Variants in MMAB observed in about 807,000 individuals in gnomAD.
The protein encoded by MMAB is corrinoid adenosyltransferase MMAB.
In MMAB, 17 loss-of-function variants were observed where a neutral mutation model predicts 30.6. That is an observed-to-expected ratio of 0.56 (90% confidence interval 0.38 to 0.83). MMAB has a LOEUF of 0.83. MMAB is among the 40% of genes least tolerant of loss of function. The pLI, the probability that MMAB is intolerant of heterozygous loss-of-function variation, is 0.00. For synonymous variants in MMAB, 134 were observed against 138.6 expected, an observed-to-expected ratio of 0.97 and a Z score of 0.23; for missense variants, 311 against 331.6, an observed-to-expected ratio of 0.94 and a Z score of 0.48.
chr12:109,563,161 C>A (rs997459036), intron 4 of MMAB, among the ~76,000 whole-genome samples: 5 of 152,228 alleles, frequency 3.3e-5, no homozygotes, highest in Non-Finnish European at 7.3e-5. Context: ...CTTTCACAGT[C>A]AAAGCGGGAG....
intron 4 of MMAB, among the ~76,000 whole-genome samples, chr12:109,562,163 C>T (rs1420899460): frequency 6.6e-6 from 1 of 152,090 alleles, no homozygotes; most frequent in Non-Finnish European, 1.5e-5. Context: ...GTAGCACCTC[C>T]CTCTTCACAC....
chr12:109,562,539 C>A (rs745445518), intron 4 of MMAB, among the ~76,000 whole-genome samples: 1 of 152,174 alleles, frequency 6.6e-6, no homozygotes, highest in African/African-American at 2.4e-5. Flanking sequence ...GCAGATGACA[C>A]GCATCACACA....
chr12:109,568,765 C>G lies in MMAB; in HGVS notation c.290+5G>C. 1 of 1,611,978 alleles carries G rather than the reference C, an allele frequency of 6.2e-7. No homozygotes were observed. The highest frequency in any genetic ancestry group is 8.5e-7 in the Non-Finnish European group (1 of 1,177,968). On this transcript the variant is annotated splice_donor_5th_base_variant and intron_variant, in intron 3 of 8. Transcript: ENST00000545712. Reference sequence around the variant, plus strand: ...CAACCTCAAGGCCAATCCTGTCCCCCTTACCCAATAGCTGAACTTAATTCA... The same window carrying G: ...CAACCTCAAGGCCAATCCTGTCCCCGTTACCCAATAGCTGAACTTAATTCA...
At chr12:109,568,586 G>T in intron 3 of MMAB, 184 bp downstream of exon 3, 1 of 674,316 alleles carries the variant, frequency 1.5e-6, no homozygotes. Context: ...GGCCAGAAGG[G>T]AAAGGAGTCT....
chr12:109,566,081 G>A (rs1281657948), intron 3 of MMAB, among the ~76,000 whole-genome samples: 1 of 152,166 alleles, frequency 6.6e-6, no homozygotes, highest in Non-Finnish European at 1.5e-5. Flanking sequence ...CCTGGAGGGA[G>A]CTGAATTCTG....
chr12:109,567,287 T>G, intron 3 of MMAB: 1 of 346,210 alleles, frequency 2.9e-6, no homozygotes, highest in South Asian at 2.3e-5. Context: ...AACAGTGAGA[T>G]GGGAATTATC....
intron 3 of MMAB, chr12:109,567,026 A>G: frequency 2.2e-6 from 1 of 456,146 alleles, no homozygotes; most frequent in South Asian, 1.5e-5. Flanking sequence ...CAGGCCCGCC[A>G]TGGAGAAATG....
intron 2 of MMAB, among the ~76,000 whole-genome samples, chr12:109,571,341 C>A (rs1223676876): frequency 6.6e-6 from 1 of 151,988 alleles, no homozygotes; most frequent in East Asian, 1.9e-4. Flanking sequence ...CTCTGCCTCC[C>A]GAGTTCAAGC....
At chr12:109,560,877 G>C (rs1464855327) in intron 7 of MMAB, among the ~76,000 whole-genome samples, 163 bp downstream of exon 7, 1 of 152,136 alleles carries the variant, frequency 6.6e-6, no homozygotes, top group Non-Finnish European at 1.5e-5. Context: ...GTTGATGTGT[G>C]GCTGGATGGC....
At chr12:109,570,702 T>G (rs764388705) in intron 2 of MMAB, among the ~76,000 whole-genome samples, 2 of 151,950 alleles carry the variant, frequency 1.3e-5, no homozygotes, top group African/African-American at 2.4e-5. Context: ...AGACCTCATC[T>G]CTACAAAAAA....
chr12:109,565,345 G>A (rs1006688259), intron 3 of MMAB, among the ~76,000 whole-genome samples, 169 bp from the exon 4 acceptor site: 6 of 152,134 alleles, frequency 3.9e-5, no homozygotes, highest in South Asian at 2.1e-4. Context: ...ATTTGGGGGC[G>A]GTGGTATTTG....
intron 3 of MMAB, among the ~76,000 whole-genome samples, chr12:109,566,215 T>G (rs947905428): frequency 6.6e-6 from 1 of 152,146 alleles, no homozygotes; most frequent in Non-Finnish European, 1.5e-5. Context: ...CACCTACTGG[T>G]GCCTCCCACT....
At chr12:109,559,216 G>A in intron 7 of MMAB, 61 bp from the exon 8 acceptor site, 1 of 1,291,588 alleles carries the variant, frequency 7.7e-7, no homozygotes, top group Non-Finnish European at 1.1e-6. Flanking sequence ...CTCTGACCTG[G>A]GCCTAAACCT....
Position 109,556,747 on chromosome 12 carries a change from A to C in MMAB, c.*281T>G. The stretch of plus-strand genomic sequence containing the variant: ...TTTCCGCACAGCTCCTTCTCATTGC[A>C]GCAATCACTTTACCTGTCTTTCCTG... On this transcript the variant is annotated 3_prime_UTR_variant, in exon 9 of 9. Transcript: ENST00000545712. The C allele has an allele frequency of 1.8e-6, 1 of 552,256 alleles. No individual in the cohort carries two copies. Among genetic ancestry groups the C allele is most frequent in the Non-Finnish European group, 3.4e-6 (1 of 290,584 alleles). The allele number at this position is 552,256 out of a possible 1,614,324, so 34.2% of individuals were successfully genotyped here.
chr12:109,570,406 T>C (rs1168075445), intron 2 of MMAB, among the ~76,000 whole-genome samples: 1 of 152,254 alleles, frequency 6.6e-6, no homozygotes, highest in African/African-American at 2.4e-5. Flanking sequence ...TCTTTTTAAT[T>C]GTGGTAACAG....
intron 4 of MMAB, among the ~76,000 whole-genome samples, chr12:109,562,866 C>T (rs1164148171): frequency 6.6e-6 from 1 of 152,100 alleles, no homozygotes; most frequent in African/African-American, 2.4e-5. Flanking sequence ...GACTCCAGGC[C>T]CCTGCATGAC....
In MMAB at chr12:109,570,569, C is replaced by CA. The variant is rs1227861322; in HGVS notation, c.196+1079dup. On this transcript the variant is annotated intron_variant, in intron 2 of 8. Transcript: ENST00000545712. ...TAGTGGTCTGCATGCTTTTGTACTA[C>CA]AAAAAATGGTATACTGTCTTGGTGC... Among the ~76,000 whole-genome samples, 7 of 152,164 alleles carry CA rather than the reference C, an allele frequency of 4.6e-5. 1 individual carries two copies. Among genetic ancestry groups the CA allele is most frequent in the East Asian group, 1.9e-4 (1 of 5,172 alleles).
In MMAB at chr12:109,553,729, A is replaced by C; in HGVS notation, c.*3299T>G. 1 of 399,850 alleles carries C rather than the reference A, an allele frequency of 2.5e-6. No homozygotes were observed. Among genetic ancestry groups the C allele is most frequent in the Non-Finnish European group, 5.0e-6 (1 of 198,950 alleles). 24.8% of individuals were successfully genotyped at this position (399,850 alleles called of 1,614,324 possible). ...CCAGGCACTGATTTATGTAGCATTC[A>C]TGCGGAATTTATTATACAAAGAATT... On this transcript the variant is annotated 3_prime_UTR_variant, in exon 9 of 9. Transcript: ENST00000545712.
In MMAB at chr12:109,569,516, G is replaced by T. The variant is rs967101169; in HGVS notation, c.197-653C>A. Among the ~76,000 whole-genome samples, 1 of 152,048 alleles carries T rather than the reference G, an allele frequency of 6.6e-6. No individual in the cohort carries two copies. Among genetic ancestry groups the T allele is most frequent in the Admixed American group, 6.6e-5 (1 of 15,258 alleles). ...CCATCCTGATAAAGAAATACAACAC[G>T]TTCTATATTTTATATCATATATACA... is the stretch of plus-strand genomic sequence containing the variant. On this transcript the variant is annotated intron_variant, in intron 2 of 8. Coordinates refer to ENST00000545712, the MANE Select transcript of MMAB (RefSeq NM_052845.4). The surrounding 1 kb of genome is among the most constrained non-coding windows in gnomAD (Gnocchi z 4.1).
Sources: gnomAD v4.1 joint callset for allele counts (sites outside exome capture counted in the v4.1 genomes callset) on GRCh38, gnomAD v4.1.1 for gene constraint, Gnocchi (gnomAD v3.1) non-coding constraint, MANE v1.5 for transcripts, NCBI Gene and HGNC (gene_info 2026-07-23, HGNC 2026-07-21) for gene names.